Variants in KCNN2 observed in about 807,000 individuals in gnomAD.
KCNN2 encodes potassium calcium-activated channel subfamily N member 2.
In KCNN2, 24 loss-of-function variants were observed where a neutral mutation model predicts 55.5. That is an observed-to-expected ratio of 0.43 (90% CI 0.31 to 0.61). The LOEUF (loss-of-function observed/expected upper bound fraction) is 0.61, where lower values mean the gene tolerates loss of function less well. KCNN2 is among the 20% of genes least tolerant of loss of function. The pLI is 0.08. For missense variants in KCNN2, 754 were observed against 853.6 expected (o/e 0.88, Z 1.45); for synonymous variants, 431 against 336.1 (o/e 1.28, Z -3.09).
intron 3 of KCNN2, among the ~76,000 whole-genome samples, chr5:114,419,321 A>C (rs1017554475): frequency 2.0e-5 from 3 of 152,278 alleles, no homozygotes; most frequent in African/African-American, 7.2e-5. Context: ...TATGTAGTCT[A>C]CAAAGCCTAA....
chr5:114,115,862 T>G (rs1751699091), intron 1 of KCNN2, among the ~76,000 whole-genome samples: 1 of 152,078 alleles, frequency 6.6e-6, no homozygotes, highest in Non-Finnish European at 1.5e-5. Flanking sequence ...GATAACTCCT[T>G]GGTTTCTTGT....
At chr5:114,348,434 T>TA (rs1757153482) in intron 2 of KCNN2, among the ~76,000 whole-genome samples, 1 of 151,876 alleles carries the variant, frequency 6.6e-6, no homozygotes, top group African/African-American at 2.4e-5. Flanking sequence ...ATAATAATAA[T>TA]AAAAAGAAGC....
chr5:114,463,128 T>G lies in KCNN2; in HGVS notation c.1717T>G (p.Tyr573Asp). The change falls in exon 4 of 8, where the codon TAT becomes GAT. Residue 573 changes from tyrosine (Y) to aspartate (D), a missense_variant. Physicochemically the swap from Tyr to Asp is radical, Grantham distance 160. Transcript: ENST00000673685. The stretch of plus-strand genomic sequence containing the variant: ...ATCAATAACTTTTCTCTCCATTGGT[T>G]ATGGTGACATGGTACCTAACACATA... ...LISITFLSIG[Y>D]GDMVPNTYCG... 1 of 1,613,392 alleles carries G rather than the reference T, an allele frequency of 6.2e-7. No homozygotes were observed. Among genetic ancestry groups the G allele is most frequent in the Non-Finnish European group, 8.5e-7 (1 of 1,179,336 alleles).
At chr5:114,448,925 C>T (rs949774525) in intron 3 of KCNN2, among the ~76,000 whole-genome samples, 3 of 152,038 alleles carry the variant, frequency 2.0e-5, no homozygotes, top group African/African-American at 7.2e-5. Flanking sequence ...GACTGAGAGC[C>T]CTAAACAGAA....
chr5:114,451,451 A>G (rs1165837910), intron 3 of KCNN2, among the ~76,000 whole-genome samples: 3 of 152,178 alleles, frequency 2.0e-5, no homozygotes, highest in South Asian at 4.1e-4. Context: ...ACACACACAC[A>G]GGGAGAGAGA....
intron 4 of KCNN2, among the ~76,000 whole-genome samples, chr5:114,470,290 C>T (rs1441320281): frequency 1.3e-5 from 2 of 152,150 alleles, no homozygotes; most frequent in African/African-American, 4.8e-5. Flanking sequence ...CAACTACCCT[C>T]TCATAGCTGT....
intron 3 of KCNN2, among the ~76,000 whole-genome samples, chr5:114,413,884 T>C (rs1437922883): frequency 6.6e-6 from 1 of 152,194 alleles, no homozygotes; most frequent in Non-Finnish European, 1.5e-5. Flanking sequence ...ATTATCCATA[T>C]ATACATCAGC....
chr5:114,265,661 C>T (rs1755195531), intron 2 of KCNN2, among the ~76,000 whole-genome samples: 1 of 152,200 alleles, frequency 6.6e-6, no homozygotes, highest in Admixed American at 6.5e-5. Context: ...AGTTAATCTA[C>T]TTTGCTCCAT....
At chr5:114,120,522 A>G (rs1751805937) in intron 1 of KCNN2, among the ~76,000 whole-genome samples, 1 of 152,154 alleles carries the variant, frequency 6.6e-6, no homozygotes, top group Non-Finnish European at 1.5e-5. Flanking sequence ...TGTTATGGGA[A>G]TTTGAGTCAT....
At chr5:114,092,683 C>T (rs1407939725) in intron 1 of KCNN2, among the ~76,000 whole-genome samples, 1 of 152,192 alleles carries the variant, frequency 6.6e-6, no homozygotes, top group African/African-American at 2.4e-5. Flanking sequence ...GCAGATGTTC[C>T]CAAACCTCAA....
At chr5:114,463,002 T>C in intron 3 of KCNN2, 47 bp from the exon 4 acceptor site, 2 of 1,571,224 alleles carry the variant, frequency 1.3e-6, no homozygotes, top group Non-Finnish European at 1.7e-6. Flanking sequence ...TTAACTATCA[T>C]ATTGGAGATT....
intron 1 of KCNN2, among the ~76,000 whole-genome samples, chr5:114,070,046 T>C (rs1182342047): frequency 6.6e-6 from 1 of 152,230 alleles, no homozygotes; most frequent in Admixed American, 6.5e-5. Context: ...CAGATACCTT[T>C]TATTTTCACT....
At chr5:114,199,070 G>T (rs1014604779) in intron 1 of KCNN2, among the ~76,000 whole-genome samples, 3 of 151,896 alleles carry the variant, frequency 2.0e-5, no homozygotes, top group Admixed American at 6.6e-5. Context: ...TATTTCTTTA[G>T]GTCTAGTAGT....
intron 2 of KCNN2, among the ~76,000 whole-genome samples, chr5:114,255,554 G>T (rs1754964940): frequency 6.6e-6 from 1 of 152,182 alleles, no homozygotes. Flanking sequence ...GCCAGATAAG[G>T]CAGGGCCTTG....
chr5:114,133,107 A>C (rs1374756481), intron 1 of KCNN2, among the ~76,000 whole-genome samples: 9 of 152,206 alleles, frequency 5.9e-5, no homozygotes, highest in Middle Eastern at 3.2e-3. Context: ...TAAATTTAGG[A>C]AACATAATTA....
intron 2 of KCNN2, among the ~76,000 whole-genome samples, chr5:114,334,614 C>T (rs1332360315): frequency 6.6e-6 from 1 of 152,026 alleles, no homozygotes; most frequent in East Asian, 1.9e-4. Flanking sequence ...ATCACTTTTA[C>T]ATTTTAGACT....
intron 2 of KCNN2, among the ~76,000 whole-genome samples, chr5:114,403,727 C>G (rs1156872391): frequency 6.6e-6 from 1 of 152,014 alleles, no homozygotes; most frequent in Admixed American, 6.6e-5. Flanking sequence ...CTGGTTTTTT[C>G]TTCTTAAAAA....
rs1212997135 is a variant in KCNN2 at position 114,466,422 on chromosome 5, A to G, written c.1779+3232A>G. ...AGTTTCTCAATGTCTCCAATTTTCCAATAAAGTAATTGTTTTACTTAGCAT... is the reference window on the plus strand; with the variant it reads ...AGTTTCTCAATGTCTCCAATTTTCCGATAAAGTAATTGTTTTACTTAGCAT... On this transcript the variant is annotated intron_variant, in intron 4 of 7. Coordinates refer to ENST00000673685, the MANE Select transcript of KCNN2 (RefSeq NM_021614.4). Among the ~76,000 whole-genome samples the G allele has an allele frequency of 2.6e-5, 4 of 152,190 alleles. No individual in the cohort carries two copies. The East Asian group carries it at 5.8e-4, about 22-fold the overall frequency.
chr5:114,137,077 A>T (rs1378176206), intron 1 of KCNN2, among the ~76,000 whole-genome samples: 1 of 152,178 alleles, frequency 6.6e-6, no homozygotes, highest in South Asian at 2.1e-4. Context: ...TATCTAGTAT[A>T]GTGCAATTAA....
Sources: allele counts gnomAD v4.1 joint callset (sites outside exome capture counted in the v4.1 genomes callset), GRCh38; gene constraint gnomAD v4.1.1; transcripts MANE v1.5; gene names NCBI Gene and HGNC (gene_info 2026-07-23, HGNC 2026-07-21).